Variants in MAL observed in about 807,000 individuals in gnomAD.
MAL encodes mal, T cell differentiation protein (MAL blood group).
A neutral mutation model predicts 16.7 loss-of-function variants in MAL; 5 were observed. That is an observed-to-expected ratio of 0.30 (90% CI 0.16 to 0.63). The LOEUF is 0.63. MAL is among the 30% of genes least tolerant of loss of function. The pLI is 0.82. For synonymous variants in MAL, 96 were observed against 85.5 expected (o/e 1.12, Z -0.67); for missense variants, 202 against 195.8 (o/e 1.03, Z -0.19).
chr2:95,029,666 A>G (rs1168128611), intron 1 of MAL, among the ~76,000 whole-genome samples: 1 of 152,200 alleles, frequency 6.6e-6, no homozygotes. Context: ...GTGTTATCAC[A>G]TTGCCGTCCA....
Position 95,048,011 on chromosome 2 carries a change from C to T in MAL, c.146C>T (p.Pro49Leu), listed in dbSNP as rs1322385381. ...ILVASSLVPW[P>L]LVQGWVMFVS... Reference sequence around the variant, plus strand: ...GTGGCCTCCTCCCTGGTGCCCTGGCCCCTGGTCCAGGGCTGGGTGATGTTC... The same window carrying T: ...GTGGCCTCCTCCCTGGTGCCCTGGCTCCTGGTCCAGGGCTGGGTGATGTTC... Residue 49 changes from proline (P) to leucine (L), a missense_variant, in exon 2 of 4, where the codon CCC (proline) becomes CTC (leucine). Physicochemically the swap from Pro to Leu is moderately conservative, Grantham distance 98. Coordinates refer to ENST00000309988, the MANE Select transcript of MAL (RefSeq NM_002371.4). 1 of 1,613,760 alleles carries T rather than the reference C, an allele frequency of 6.2e-7. No individual in the cohort carries two copies. Among genetic ancestry groups the T allele is most frequent in the African/African-American group, 1.3e-5 (1 of 74,866 alleles).
intron 1 of MAL, among the ~76,000 whole-genome samples, chr2:95,033,344 T>A (rs1344291249): frequency 6.6e-6 from 1 of 152,224 alleles, no homozygotes; most frequent in Non-Finnish European, 1.5e-5. Flanking sequence ...CATCTTGTGC[T>A]GTATGTGTCT....
chr2:95,033,741 G>A (rs1372988178), intron 1 of MAL, among the ~76,000 whole-genome samples: 7 of 152,080 alleles, frequency 4.6e-5, no homozygotes, highest in Non-Finnish European at 8.8e-5. Context: ...TCGCATCACT[G>A]CCCTCCAGTG....
At chr2:95,036,258 T>A (rs1341412439) in intron 1 of MAL, among the ~76,000 whole-genome samples, 1 of 152,158 alleles carries the variant, frequency 6.6e-6, no homozygotes, top group Non-Finnish European at 1.5e-5. Flanking sequence ...GCCTTTTCAG[T>A]TGATGCAGGG....
At chr2:95,032,883 T>G (rs1674120000) in intron 1 of MAL, among the ~76,000 whole-genome samples, 1 of 152,222 alleles carries the variant, frequency 6.6e-6, no homozygotes, top group Admixed American at 6.5e-5. Context: ...TAGTGTTCTA[T>G]GCCAGGATTG....
chr2:95,053,542 C>T lies in MAL; in HGVS notation c.*87C>T, dbSNP rs968209457. On this transcript the variant is annotated 3_prime_UTR_variant, in exon 4 of 4. Transcript: ENST00000309988. The stretch of plus-strand genomic sequence containing the variant: ...CATAACTTTTTAGAAAACAGAAATG[C>T]CCTTGATGGTGGAAAAAAGAAAACA... 16 of 1,056,274 alleles carry T rather than the reference C, an allele frequency of 1.5e-5. No homozygotes were observed. The highest frequency in any genetic ancestry group is 8.0e-5 in the African/African-American group (5 of 62,696). The allele number at this position is 1,056,274 out of a possible 1,614,324, so 65.4% of individuals were successfully genotyped here. A position where few individuals can be genotyped will look rare whatever the true frequency, so the allele number is the denominator to read the frequency against.
At chr2:95,033,732 C>T (rs370156665) in intron 1 of MAL, among the ~76,000 whole-genome samples, 5 of 152,188 alleles carry the variant, frequency 3.3e-5, no homozygotes, top group East Asian at 1.9e-4. Context: ...GAGCTGTGAT[C>T]GCATCACTGC....
At position 95,050,685 on chromosome 2, in the gene MAL, C is replaced by T. The variant is rs114848478; in HGVS notation, c.387+979C>T. ...TCACTTGCTGGTCCCCTTGCACAGT[C>T]CCCTGCCCTGGGGAAACCACACACT... On this transcript the variant is annotated intron_variant, in intron 3 of 3. Transcript: ENST00000309988. Among the ~76,000 whole-genome samples, 203 of 152,346 alleles carry T rather than the reference C, an allele frequency of 1.3e-3. 2 individuals carry two copies. The highest frequency in any genetic ancestry group is 4.8e-3 in the African/African-American group (199 of 41,578).
intron 1 of MAL, among the ~76,000 whole-genome samples, chr2:95,039,696 CTGAG>C (rs1445364141): frequency 3.0e-5 from 4 of 134,948 alleles, no homozygotes; most frequent in East Asian, 4.7e-4. Flanking sequence ...GAGTGAGTGA[CTGAG>C]TGACTGAGTG....
chr2:95,032,559 G>A (rs899161394), intron 1 of MAL, among the ~76,000 whole-genome samples: 1 of 152,240 alleles, frequency 6.6e-6, no homozygotes, highest in Non-Finnish European at 1.5e-5. Context: ...GTTGATGGGT[G>A]TGAGGACAGT....
At chr2:95,046,641 C>T (rs553611412) in intron 1 of MAL, among the ~76,000 whole-genome samples, 4 of 152,134 alleles carry the variant, frequency 2.6e-5, no homozygotes, top group East Asian at 1.9e-4. Flanking sequence ...CTGACCCTGG[C>T]GACATCAACT....
At chr2:95,026,735 TGG>T in intron 1 of MAL, 1 of 152,204 alleles carries the variant, frequency 6.6e-6, no homozygotes, top group South Asian at 2.1e-4. Flanking sequence ...GGCCTTCACC[TGG>T]GAGGGGTGTG....
intron 1 of MAL, among the ~76,000 whole-genome samples, chr2:95,042,116 G>A (rs1309121980): frequency 2.6e-5 from 4 of 152,180 alleles, no homozygotes; most frequent in Admixed American, 6.5e-5. Flanking sequence ...AGGGTTCCAA[G>A]CTCGAGGAGA....
At chr2:95,030,415 A>C (rs1409091128) in intron 1 of MAL, among the ~76,000 whole-genome samples, 4 of 152,174 alleles carry the variant, frequency 2.6e-5, no homozygotes, top group African/African-American at 7.2e-5. Context: ...CCAGTGAGGA[A>C]CTTTTCCTTT....
intron 1 of MAL, among the ~76,000 whole-genome samples, chr2:95,027,029 G>A (rs7560571): frequency 0.56 from 85,347 of 151,906 alleles, 25,769 homozygotes; most frequent in South Asian, 0.66. Flanking sequence ...TGAAAGTCCA[G>A]TCGAACCCAA....
chr2:95,027,279 G>T (rs1382236646), intron 1 of MAL, among the ~76,000 whole-genome samples: 1 of 152,102 alleles, frequency 6.6e-6, no homozygotes. Context: ...CACCCAACCC[G>T]CCAATGCTGC....
At chr2:95,028,056 C>T (rs1480809319) in intron 1 of MAL, among the ~76,000 whole-genome samples, 2 of 150,768 alleles carry the variant, frequency 1.3e-5, no homozygotes, top group African/African-American at 4.9e-5. Flanking sequence ...CCTGTAATCC[C>T]AGCACTTTGG....
chr2:95,051,296 A>G (rs1310084866), intron 3 of MAL: 1 of 152,196 alleles, frequency 6.6e-6, no homozygotes, highest in Non-Finnish European at 1.5e-5. Flanking sequence ...TGGACTAAGA[A>G]TTAGGGCCAG....
At chr2:95,040,899 C>T (rs1277467826) in intron 1 of MAL, among the ~76,000 whole-genome samples, 1 of 152,140 alleles carries the variant, frequency 6.6e-6, no homozygotes, top group Non-Finnish European at 1.5e-5. Context: ...TTCACATATG[C>T]CTTTAAAGGC....
Sources: allele counts gnomAD v4.1 joint callset (sites outside exome capture counted in the v4.1 genomes callset), GRCh38; gene constraint gnomAD v4.1.1; transcripts MANE v1.5; gene names NCBI Gene and HGNC (gene_info 2026-07-23, HGNC 2026-07-21).